TMEM222: variants seen among roughly 807,000 people sequenced by gnomAD.
TMEM222 encodes chromosome 1 open reading frame 160.
Under a neutral mutation model 25.1 loss-of-function variants are expected in TMEM222, and 18 were observed. The observed-to-expected ratio is 0.72, with a 90% CI of 0.50 to 1.06. TMEM222 has a LOEUF of 1.06. Ranked by LOEUF, TMEM222 falls within the 50% of genes least tolerant of loss-of-function variation. TMEM222 has a pLI of 0.00. For synonymous variants in TMEM222, 131 were observed against 117.9 expected, an observed-to-expected ratio of 1.11 and a Z score of -0.72; for missense variants, 296 against 293.7, an observed-to-expected ratio of 1.01 and a Z score of -0.06.
chr1:27,327,329 A>G (rs2014374385), intron 1 of TMEM222, among the ~76,000 whole-genome samples: 1 of 152,168 alleles, frequency 6.6e-6, no homozygotes, highest in African/African-American at 2.4e-5. Flanking sequence ...GGCAAGCCTC[A>G]ACCCAGATGA....
rs549463024 is a variant in TMEM222, at chr1:27,334,741, G to T, written c.539+460G>T. On this transcript the variant is annotated intron_variant, in intron 5 of 5. Coordinates refer to ENST00000374076, the MANE Select transcript of TMEM222 (RefSeq NM_032125.3). ...CATGGACACAGCAGAGCCCAGACTCGTGAGCCAGCATAGGTTAGTGCTGAT... is the reference window on the plus strand; with the variant it reads ...CATGGACACAGCAGAGCCCAGACTCTTGAGCCAGCATAGGTTAGTGCTGAT... 102 of 1,257,660 alleles carry T rather than the reference G, an allele frequency of 8.1e-5. No individual in the cohort carries two copies. In the African/African-American group the frequency reaches 1.3e-3, roughly 16 times the overall value. The allele number at this position is 1,257,660 out of a possible 1,614,324, so 77.9% of individuals were successfully genotyped here. A position where few individuals can be genotyped will look rare whatever the true frequency, so the allele number is the denominator to read the frequency against.
chr1:27,322,165 A>G lies in TMEM222; in HGVS notation c.-33A>G, dbSNP rs751703526. 3 of 1,358,152 alleles carry G rather than the reference A, an allele frequency of 2.2e-6. No individual in the cohort carries two copies. The highest frequency in any genetic ancestry group is 3.5e-5 in the South Asian group (2 of 56,902). 84.1% of individuals were successfully genotyped at this position (1,358,152 alleles called of 1,614,324 possible). A position where few individuals can be genotyped will look rare whatever the true frequency, so the allele number is the denominator to read the frequency against. ...ACGCCATGGGGACGAGCGGCACCAGAGCCGGGGCCAGTCGGAGCGGGGCGC... is the reference window on the plus strand; with the variant it reads ...ACGCCATGGGGACGAGCGGCACCAGGGCCGGGGCCAGTCGGAGCGGGGCGC... On this transcript the variant is annotated 5_prime_UTR_variant, in exon 1 of 6. Coordinates refer to ENST00000374076, the MANE Select transcript of TMEM222 (RefSeq NM_032125.3).
intron 5 of TMEM222, chr1:27,334,661 C>G (rs1422841205): frequency 7.0e-7 from 1 of 1,420,148 alleles, no homozygotes; most frequent in South Asian, 1.3e-5. Flanking sequence ...AATGACTGCC[C>G]CACAGGTCCC....
chr1:27,330,710 T>C lies in TMEM222; in HGVS notation c.195-10T>C, dbSNP rs1295015433. On this transcript the variant is annotated splice_polypyrimidine_tract_variant and intron_variant, in intron 1 of 5. Transcript: ENST00000374076. ...TAAGCTCTGTCCCTTCCCCGTCCTT[T>C]TCCTCACAGGTGGTTTTTCCCCATC... The C allele has an allele frequency of 1.5e-5, 25 of 1,613,830 alleles. No individual in the cohort carries two copies. The highest frequency in any genetic ancestry group is 2.0e-5 in the Non-Finnish European group (24 of 1,179,802).
intron 5 of TMEM222, chr1:27,334,784 C>T: frequency 8.8e-7 from 1 of 1,130,216 alleles, no homozygotes; most frequent in Non-Finnish European, 1.1e-6. Context: ...CCTCTCCAAG[C>T]TTTCCTCTTA....
intron 1 of TMEM222, chr1:27,325,719 A>G: frequency 4.5e-6 from 4 of 880,706 alleles, no homozygotes; most frequent in Non-Finnish European, 7.8e-6. Context: ...CTCACTGTCC[A>G]CCTTCCAGCA....
chr1:27,334,018 T>C lies in TMEM222; in HGVS notation c.372T>C (p.Ala124=). The C allele has an allele frequency of 6.2e-7, 1 of 1,614,120 alleles. No homozygotes were observed. The highest frequency in any genetic ancestry group is 8.5e-7 in the Non-Finnish European group (1 of 1,180,006). The change falls in exon 4 of 6, where the codon GCT becomes GCC. Residue 124 remains alanine (A), a synonymous_variant. Transcript: ENST00000374076. ...YASGPNAWDT[A]VHDASEEYKH... Reference sequence around the variant, plus strand: ...GCGGGCCCAACGCATGGGACACGGCTGTGCACGACGCCTCTGAGGAGTACA... The same window carrying C: ...GCGGGCCCAACGCATGGGACACGGCCGTGCACGACGCCTCTGAGGAGTACA...
chr1:27,330,692 TGTCCCTTCCCC>T lies in TMEM222; in HGVS notation c.195-23_195-13del, dbSNP rs1171597676. 6.2e-7 allele frequency: 1 copy of T among 1,602,190 alleles called. No individual in the cohort carries two copies. Among genetic ancestry groups the T allele is most frequent in the East Asian group, 2.2e-5 (1 of 44,832 alleles). On this transcript the variant is annotated splice_polypyrimidine_tract_variant and intron_variant, in intron 1 of 5. Coordinates refer to ENST00000374076, the MANE Select transcript of TMEM222 (RefSeq NM_032125.3). ...ACTGGCTGAAAGATCCCCTAAGCTC[TGTCCCTTCCCC>T]GTCCTTTTCCTCACAGGTGGTTTTT...
At chr1:27,333,651 C>T (rs1056130809) in intron 3 of TMEM222, 11 of 423,924 alleles carry the variant, frequency 2.6e-5, no homozygotes, top group East Asian at 2.0e-4. Flanking sequence ...TAATCACCTC[C>T]CAAAGGCCCC....
In TMEM222 at chr1:27,322,342, C is replaced by G. The variant is rs751247346; in HGVS notation, c.145C>G (p.Arg49Gly). The change falls in exon 1 of 6, where the codon CGG becomes GGG. Residue 49 changes from arginine to glycine, a missense_variant. Arg to Gly is a moderately radical substitution (Grantham distance 125). Transcript: ENST00000374076. ...GSGGVAMDVE[R>G]SRFPYCVVWT... Reference sequence around the variant, plus strand: ...CGGCGGCGTCGCCATGGATGTGGAACGGAGTCGCTTCCCCTACTGCGTGGT... The same window carrying G: ...CGGCGGCGTCGCCATGGATGTGGAAGGGAGTCGCTTCCCCTACTGCGTGGT... The G allele has an allele frequency of 3.3e-6, 5 of 1,533,950 alleles. No homozygotes were observed. In the Admixed American group the frequency reaches 5.9e-5, roughly 18 times the overall value.
chr1:27,332,166 C>A (rs1293529684), intron 3 of TMEM222, 65 bp downstream of exon 3: 19 of 1,589,786 alleles, frequency 1.2e-5, no homozygotes, highest in African/African-American at 6.7e-5. Context: ...GCGGGCCAGG[C>A]CTTCTGGGGC....
chr1:27,325,054 A>C (rs2014305562), intron 1 of TMEM222, among the ~76,000 whole-genome samples: 1 of 152,186 alleles, frequency 6.6e-6, no homozygotes, highest in Admixed American at 6.5e-5. Flanking sequence ...AAGGTCAATT[A>C]GCCATCGTAG....
chr1:27,331,383 ATCT>A (rs536880456), intron 2 of TMEM222, among the ~76,000 whole-genome samples: 93 of 152,316 alleles, frequency 6.1e-4, no homozygotes, highest in African/African-American at 2.1e-3. Context: ...TGTCATGATC[ATCT>A]TAACACGACA....
chr1:27,323,602 G>A (rs1454836941), intron 1 of TMEM222, among the ~76,000 whole-genome samples: 1 of 151,958 alleles, frequency 6.6e-6, no homozygotes, highest in Non-Finnish European at 1.5e-5. Context: ...GGCGAAACCC[G>A]TCTCTACTAA....
At chr1:27,325,943 T>C in intron 1 of TMEM222, 1 of 650,746 alleles carries the variant, frequency 1.5e-6, no homozygotes, top group Non-Finnish European at 2.8e-6. Context: ...TTGTATCTAA[T>C]ATCAGCACTG....
intron 4 of TMEM222, 45 bp downstream of exon 4, chr1:27,334,099 G>C (rs763096283): frequency 1.9e-6 from 3 of 1,611,788 alleles, no homozygotes; most frequent in Admixed American, 3.3e-5. Context: ...GTGGGGACCA[G>C]GGGGGAGGCT....
Position 27,332,448 on chromosome 1 carries a change from C to G in TMEM222, c.311+347C>G, listed in dbSNP as rs941329056. Reference sequence around the variant, plus strand: ...ACACCCAGATCTGTCTCCCTCTAGACTCACTCTCCTGCCCTTTGGGAACAA... The same window carrying G: ...ACACCCAGATCTGTCTCCCTCTAGAGTCACTCTCCTGCCCTTTGGGAACAA... On this transcript the variant is annotated intron_variant, in intron 3 of 5. Coordinates refer to ENST00000374076, the MANE Select transcript of TMEM222 (RefSeq NM_032125.3). 7 of 718,046 alleles carry G rather than the reference C, an allele frequency of 9.7e-6. No individual in the cohort carries two copies. The African/African-American group carries it at 1.2e-4, about 13-fold the overall frequency. The allele number at this position is 718,046 out of a possible 1,614,324, so 44.5% of individuals were successfully genotyped here.
intron 1 of TMEM222, among the ~76,000 whole-genome samples, chr1:27,326,860 C>A (rs1055143367): frequency 6.6e-6 from 1 of 152,048 alleles, no homozygotes; most frequent in African/African-American, 2.4e-5. Flanking sequence ...GAGCTGCCTT[C>A]CTGGAGCTTC....
At chr1:27,330,089 G>A (rs769050014) in intron 1 of TMEM222, among the ~76,000 whole-genome samples, 3 of 146,746 alleles carry the variant, frequency 2.0e-5, no homozygotes, top group South Asian at 4.3e-4. Context: ...GCAAGAGAGC[G>A]AGACTCCATC....
Sources: allele counts gnomAD v4.1 joint callset (sites outside exome capture counted in the v4.1 genomes callset), GRCh38; gene constraint gnomAD v4.1.1; transcripts MANE v1.5; gene names NCBI Gene and HGNC (gene_info 2026-07-23, HGNC 2026-07-21).